OLA1: variants seen among roughly 807,000 people sequenced by gnomAD.
OLA1 encodes Obg like ATPase 1.
OLA1 carries 14 observed loss-of-function variants against 48.4 expected under a neutral mutation model. The observed-to-expected ratio is 0.29, with a 90% confidence interval of 0.19 to 0.45. OLA1 has a LOEUF of 0.45. Ranked by LOEUF, OLA1 falls within the 20% of genes least tolerant of loss-of-function variation. The probability of loss-of-function intolerance (pLI) is 1.00; values close to 1 mark genes in which losing one functional copy is unlikely to be tolerated. For missense variants in OLA1, 325 were observed against 467.1 expected (o/e 0.70, Z 2.80); for synonymous variants, 127 against 150.4 (o/e 0.84, Z 1.14).
chr2:174,094,253 A>G (rs1042896968), intron 7 of OLA1, among the ~76,000 whole-genome samples: 19 of 152,256 alleles, frequency 1.2e-4, no homozygotes, highest in African/African-American at 4.3e-4. Context: ...AGACTCTTAC[A>G]TGGAAAAAGA....
intron 4 of OLA1, among the ~76,000 whole-genome samples, chr2:174,209,505 T>C (rs958589299): frequency 2.0e-5 from 3 of 152,066 alleles, no homozygotes; most frequent in Non-Finnish European, 2.9e-5. Context: ...AGTGGGCACA[T>C]TGGGCTAGCT....
At chr2:174,194,955 C>T (rs4972642) in intron 4 of OLA1, among the ~76,000 whole-genome samples, 80,417 of 151,260 alleles carry the variant, frequency 0.53, 21,867 homozygotes, top group East Asian at 0.94. Context: ...TTCATATTTT[C>T]TCTCTCTCTC....
chr2:174,179,591 T>C (rs528476291), intron 4 of OLA1, among the ~76,000 whole-genome samples: 1 of 152,142 alleles, frequency 6.6e-6, no homozygotes, highest in Non-Finnish European at 1.5e-5. Flanking sequence ...TTTTTAGACA[T>C]ATCTACTGGA....
In OLA1 at chr2:174,105,555, G is replaced by A. The variant is rs73033811; in HGVS notation, c.728+17625C>T. On this transcript the variant is annotated intron_variant, in intron 7 of 10. Coordinates refer to ENST00000284719, the MANE Select transcript of OLA1 (RefSeq NM_013341.5). ...AGATTAATCTATGCCATACAACTAC[G>A]AATATTTCAAATATGTCAGGGTAAA... 2.3e-3 allele frequency among the ~76,000 whole-genome samples: 355 copies of A among 151,944 alleles called. 1 individual carries two copies. Among genetic ancestry groups the A allele is most frequent in the African/African-American group, 8.1e-3 (335 of 41,516 alleles).
chr2:174,184,823 A>G (rs1687617316), intron 4 of OLA1, among the ~76,000 whole-genome samples: 1 of 152,346 alleles, frequency 6.6e-6, no homozygotes, highest in Middle Eastern at 3.4e-3. Context: ...ACTATGTTAA[A>G]CAAGAAAAAC....
intron 5 of OLA1, among the ~76,000 whole-genome samples, chr2:174,127,368 A>C (rs537823338): frequency 6.6e-6 from 1 of 152,344 alleles, no homozygotes; most frequent in Non-Finnish European, 1.5e-5. Context: ...TATCAGAGAA[A>C]TTCAATATTC....
At chr2:174,164,407 G>A (rs1403101430) in intron 4 of OLA1, among the ~76,000 whole-genome samples, 3 of 52,064 alleles carry the variant, frequency 5.8e-5, no homozygotes, top group Non-Finnish European at 1.1e-4. Context: ...GTGATCCCAC[G>A]AAACGGTTTA....
chr2:174,088,067 T>A (rs1024657058), intron 7 of OLA1, among the ~76,000 whole-genome samples: 5 of 152,246 alleles, frequency 3.3e-5, no homozygotes, highest in African/African-American at 7.2e-5. Context: ...TCTAATTGTA[T>A]ATAACTGGTG....
intron 4 of OLA1, among the ~76,000 whole-genome samples, chr2:174,176,903 G>A (rs147452394): frequency 6.6e-6 from 1 of 152,220 alleles, no homozygotes; most frequent in East Asian, 1.9e-4. Flanking sequence ...TATTTAGTTT[G>A]CTGTATTTTT....
intron 7 of OLA1, among the ~76,000 whole-genome samples, chr2:174,118,266 T>C (rs1405820439): frequency 6.6e-6 from 1 of 152,168 alleles, no homozygotes; most frequent in African/African-American, 2.4e-5. Flanking sequence ...ATCCAAACCA[T>C]ATCAACTCCG....
At chr2:174,119,524 A>C (rs1685861519) in intron 7 of OLA1, among the ~76,000 whole-genome samples, 5 of 152,150 alleles carry the variant, frequency 3.3e-5, no homozygotes, top group African/African-American at 1.2e-4. Flanking sequence ...TTCCACCTAC[A>C]TATACACTTA....
intron 2 of OLA1, among the ~76,000 whole-genome samples, chr2:174,243,806 T>C (rs112193210): frequency 7.9e-5 from 12 of 152,262 alleles, no homozygotes; most frequent in African/African-American, 2.7e-4. Flanking sequence ...ATCAGCCTTA[T>C]GCAGACTAAA....
intron 7 of OLA1, among the ~76,000 whole-genome samples, chr2:174,089,301 T>C (rs1025875726): frequency 1.3e-5 from 2 of 152,210 alleles, no homozygotes; most frequent in Non-Finnish European, 2.9e-5. Flanking sequence ...CATGTTAAAC[T>C]TTCAGAAGCA....
intron 4 of OLA1, among the ~76,000 whole-genome samples, chr2:174,214,332 C>CA (rs1444629591): frequency 1.3e-5 from 2 of 151,806 alleles, no homozygotes; most frequent in African/African-American, 4.8e-5. Flanking sequence ...GACTCCGCCT[C>CA]AAAAAAATAA....
At chr2:174,106,068 T>C (rs946360902) in intron 7 of OLA1, among the ~76,000 whole-genome samples, 9 of 152,074 alleles carry the variant, frequency 5.9e-5, no homozygotes, top group African/African-American at 2.2e-4. Flanking sequence ...TTTCTAAAAA[T>C]CATTTGAGGA....
At chr2:174,092,428 G>A (rs12998877) in intron 7 of OLA1, among the ~76,000 whole-genome samples, 1 of 152,046 alleles carries the variant, frequency 6.6e-6, no homozygotes, top group Non-Finnish European at 1.5e-5. Flanking sequence ...ACTTTGGGAG[G>A]CAGAGGCAGG....
Position 174,108,647 on chromosome 2 carries a change from T to C in OLA1, c.728+14533A>G, listed in dbSNP as rs570695386. On this transcript the variant is annotated intron_variant, in intron 7 of 10. Transcript: ENST00000284719. The stretch of plus-strand genomic sequence containing the variant: ...GGAGCAGTGCAGAATTTCTTATGAA[T>C]TTCTCCAGTTACTTTTTATAAATGC... 1.4e-4 allele frequency among the ~76,000 whole-genome samples: 21 copies of C among 152,280 alleles called. 1 individual carries two copies. The South Asian group carries it at 4.3e-3, about 32-fold the overall frequency.
intron 7 of OLA1, among the ~76,000 whole-genome samples, chr2:174,086,265 T>A (rs1684974742): frequency 6.6e-6 from 1 of 152,196 alleles, no homozygotes; most frequent in Admixed American, 6.5e-5. Context: ...ATTTTTCTAG[T>A]ATCTGGTCAT....
Position 174,241,753 on chromosome 2 carries a change from G to A in OLA1, c.101+4962C>T, listed in dbSNP as rs1378374220. ...CAGGTTCAAGCCATTCTCCTGCCTC[G>A]GCCTCCCGAGTAGCTGGGATTAGAG... On this transcript the variant is annotated intron_variant, in intron 2 of 10. Coordinates refer to ENST00000284719, the MANE Select transcript of OLA1 (RefSeq NM_013341.5). Among the ~76,000 whole-genome samples, 4 of 152,142 alleles carry A rather than the reference G, an allele frequency of 2.6e-5. 1 individual carries two copies. In the East Asian group the frequency reaches 5.8e-4, roughly 22 times the overall value.
Sources: gnomAD v4.1 joint callset for allele counts (sites outside exome capture counted in the v4.1 genomes callset) on GRCh38, gnomAD v4.1.1 for gene constraint, MANE v1.5 for transcripts, NCBI Gene and HGNC (gene_info 2026-07-23, HGNC 2026-07-21) for gene names.